Variants in KRT74 observed in about 807,000 individuals in gnomAD.
KRT74 encodes keratin 74, also known as keratin, type II cytoskeletal 74.
KRT74 carries 43 observed loss-of-function variants against 42.7 expected under a neutral mutation model. That is an observed-to-expected ratio of 1.01 (90% confidence interval 0.79 to 1.30). KRT74 has a LOEUF of 1.30. Among genes scored for constraint, KRT74 ranks in the 50% most tolerant of loss-of-function variants. The probability of loss-of-function intolerance (pLI) is 0.00; values close to 1 mark genes in which losing one functional copy is unlikely to be tolerated. For missense variants in KRT74, 736 were observed against 689.1 expected, an observed-to-expected ratio of 1.07 and a Z score of -0.76; for synonymous variants, 302 against 279.0, an observed-to-expected ratio of 1.08 and a Z score of -0.82.
chr12:52,572,728 C>A lies in KRT74; in HGVS notation c.472-61G>T, dbSNP rs687127. 0.2 allele frequency: 298,837 copies of A among 1,467,676 alleles called. 31,337 individuals are homozygous for A. The highest frequency in any genetic ancestry group is 0.27 in the Admixed American group (15,626 of 58,260). The allele number at this position is 1,467,676 out of a possible 1,614,324, so 90.9% of individuals were successfully genotyped here. ...TGGGTGCAGTCATGCCCCCTGGACA[C>A]ACACCATTGACTCCCCAGGTTTGCC... On this transcript the variant is annotated intron_variant, in intron 1 of 8. Transcript: ENST00000305620.
chr12:52,570,125 C>T (rs1358056897), intron 5 of KRT74, 141 bp from the exon 6 acceptor site: 1 of 923,552 alleles, frequency 1.1e-6, no homozygotes, highest in Non-Finnish European at 1.7e-6. Context: ...TCCTGGGGGC[C>T]CAGGTAAGGG....
At position 52,567,108 on chromosome 12, in the gene KRT74, C is replaced by T. The variant is rs1213184638; in HGVS notation, c.1451G>A (p.Gly484Glu). The T allele has an allele frequency of 6.2e-7, 1 of 1,604,718 alleles. No individual in the cohort carries two copies. Among genetic ancestry groups the T allele is most frequent in the African/African-American group, 1.3e-5 (1 of 74,858 alleles). The part of the protein sequence containing the change: ...HHPSSAGVDL[G>E]ASAVAGSSGS... Reference sequence around the variant, plus strand: ...AGAGCTGCCTGCCACAGCGCTGGCCCCAAGGTCAACACCCGCAGAGCTGGG... The same window carrying T: ...AGAGCTGCCTGCCACAGCGCTGGCCTCAAGGTCAACACCCGCAGAGCTGGG... Residue 484 changes from glycine (G) to glutamate (E), a missense_variant, in exon 9 of 9, where the codon GGG becomes GAG. By Grantham distance (98) the Gly-to-Glu change is moderately conservative. Coordinates refer to ENST00000305620, the MANE Select transcript of KRT74 (RefSeq NM_175053.4).
Position 52,566,191 on chromosome 12 carries a change from G to GT in KRT74, c.*777dup, listed in dbSNP as rs900819897. 2 of 152,230 alleles carry GT rather than the reference G, an allele frequency of 1.3e-5. No homozygotes were observed. The highest frequency in any genetic ancestry group is 4.8e-5 in the African/African-American group (2 of 41,452). 9.4% of individuals were successfully genotyped at this position (152,230 alleles called of 1,614,324 possible). On this transcript the variant is annotated 3_prime_UTR_variant, in exon 9 of 9. Coordinates refer to ENST00000305620, the MANE Select transcript of KRT74 (RefSeq NM_175053.4). ...AGGCCTGACTCTGGCACATAGGTGG[G>GT]TGACTGGGGCCAGTTCAGCAGCCTC...
rs1939405877 is a variant in KRT74 at position 52,567,826 on chromosome 12, C to T, written c.1356-133G>A. 5.5e-5 allele frequency: 41 copies of T among 747,828 alleles called. No homozygotes were observed. In the South Asian group the frequency reaches 5.9e-4, roughly 11 times the overall value. 46.3% of individuals were successfully genotyped at this position (747,828 alleles called of 1,614,324 possible). On this transcript the variant is annotated intron_variant, in intron 7 of 8. Coordinates refer to ENST00000305620, the MANE Select transcript of KRT74 (RefSeq NM_175053.4). ...CAACTTACGAAACTGACACTATCGC[C>T]TTCATCTTACAGATGAGAAAACAAG...
In KRT74 at chr12:52,573,325, G is replaced by A. The variant is rs531125952; in HGVS notation, c.453C>T (p.Phe151=). The stretch of plus-strand genomic sequence containing the variant: ...GACCCACCTTGTCAATGAAGGAGGC[G>A]AACTTGTCGTTCAGCACCTTGATCT... ...REQIKVLNDK[F]ASFIDKVRFL... is the part of the protein sequence containing the mutation. Residue 151 remains phenylalanine, a synonymous_variant, in exon 1 of 9, where the codon TTC becomes TTT. Transcript: ENST00000305620. The A allele has an allele frequency of 1.8e-5, 29 of 1,614,064 alleles. No individual in the cohort carries two copies. The highest frequency in any genetic ancestry group is 1.0e-4 in the Admixed American group (6 of 60,006).
rs1449700755 is a variant in KRT74 at position 52,566,228 on chromosome 12, C to T, written c.*741G>A. On this transcript the variant is annotated 3_prime_UTR_variant, in exon 9 of 9. Transcript: ENST00000305620. ...AGTTCAGCAGCCTCTTGGGATCAGG[C>T]TCCCAGTCTGTTCCAAGGATGCTCA... 1 of 152,132 alleles carries T rather than the reference C, an allele frequency of 6.6e-6. No homozygotes were observed. The highest frequency in any genetic ancestry group is 1.5e-5 in the Non-Finnish European group (1 of 68,052). The allele number at this position is 152,132 out of a possible 1,614,324, so 9.4% of individuals were successfully genotyped here.
Position 52,568,415 on chromosome 12 carries a change from A to T in KRT74, c.1135-26T>A, listed in dbSNP as rs370502412. On this transcript the variant is annotated intron_variant, in intron 6 of 8. Coordinates refer to ENST00000305620, the MANE Select transcript of KRT74 (RefSeq NM_175053.4). ...CTGAAGGGCAAAGAACAGAGAGACC[A>T]TCAGAACAGAAAATTACATTTAGCT... The T allele has an allele frequency of 9.3e-6, 15 of 1,610,992 alleles. No individual in the cohort carries two copies. The East Asian group carries it at 3.3e-4, about 36-fold the overall frequency.
chr12:52,571,202 C>A (rs886927694), intron 4 of KRT74, among the ~76,000 whole-genome samples, 157 bp downstream of exon 4: 1 of 152,238 alleles, frequency 6.6e-6, no homozygotes, highest in African/African-American at 2.4e-5. Context: ...CTCCAAGGAC[C>A]AGCATCCTGC....
Position 52,566,801 on chromosome 12 carries a change from C to T in KRT74, c.*168G>A. 1.9e-6 allele frequency: 1 copy of T among 537,636 alleles called. No homozygotes were observed. 33.3% of individuals were successfully genotyped at this position (537,636 alleles called of 1,614,324 possible). ...GGACCTAAGGAAACAGGGAAGGTGA[C>T]TGTGTCAATCAGAGCTTGAAAGTAA... On this transcript the variant is annotated 3_prime_UTR_variant, in exon 9 of 9. Coordinates refer to ENST00000305620, the MANE Select transcript of KRT74 (RefSeq NM_175053.4).
chr12:52,568,088 T>A (rs1421651566), intron 7 of KRT74, 81 bp downstream of exon 7: 1 of 1,492,370 alleles, frequency 6.7e-7, no homozygotes, highest in Non-Finnish European at 9.3e-7. Flanking sequence ...GCACTAACCA[T>A]GTTGTTCTCC....
At position 52,571,436 on chromosome 12, in the gene KRT74, C is replaced by T. The variant is rs772111053; in HGVS notation, c.766G>A (p.Ala256Thr). Residue 256 changes from alanine (A) to threonine (T), a missense_variant, in exon 4 of 9, where the codon GCA becomes ACA. By Grantham distance (58) the Ala-to-Thr change is moderately conservative. Transcript: ENST00000305620. Reference protein sequence around the residue: ...VLKKDADAAYAVKVELQAKVD... With the variant: ...VLKKDADAAYTVKVELQAKVD... ...TTGGCCTGAAGCTCCACCTTGACTG[C>T]GTAGGCTGCATCTGCATCCTGCCAA... is the stretch of plus-strand genomic sequence containing the variant. The T allele has an allele frequency of 1.4e-5, 22 of 1,613,614 alleles. No individual in the cohort carries two copies. Among genetic ancestry groups the T allele is most frequent in the East Asian group, 4.5e-5 (2 of 44,884 alleles).
chr12:52,570,744 G>T lies in KRT74; in HGVS notation c.933C>A (p.Ile311=), dbSNP rs776156648. 2.7e-5 allele frequency: 43 copies of T among 1,614,076 alleles called. No individual in the cohort carries two copies. In the South Asian group the frequency reaches 3.4e-4, roughly 13 times the overall value. The change falls in exon 5 of 9, where the codon ATC becomes ATA. Residue 311 remains isoleucine, a synonymous_variant. Coordinates refer to ENST00000305620, the MANE Select transcript of KRT74 (RefSeq NM_175053.4). ...NNRDLDLDSI[I]AEVRMHYEEI... is the part of the protein sequence containing the mutation. ...CCTCATAATGCATGCGGACCTCAGC[G>T]ATGATGCTGTCAAGGTCCAGGTCCC...
chr12:52,572,117 C>T, intron 2 of KRT74, 113 bp from the exon 3 acceptor site: 1 of 829,874 alleles, frequency 1.2e-6, no homozygotes, highest in Non-Finnish European at 2.1e-6. Context: ...CTGGGGTGAG[C>T]AGTAAGAGGC....
intron 4 of KRT74, 84 bp from the exon 5 acceptor site, chr12:52,570,917 G>A: frequency 6.7e-7 from 1 of 1,498,418 alleles, no homozygotes; most frequent in Non-Finnish European, 9.3e-7. Context: ...ATGGTCCCTG[G>A]CCCAATAGGC....
chr12:52,567,607 G>A (rs565037419), intron 8 of KRT74, 52 bp downstream of exon 8: 2 of 1,353,778 alleles, frequency 1.5e-6, no homozygotes, highest in East Asian at 4.6e-5. Context: ...ACATCACTTT[G>A]TCCCAGGGTC....
rs941009744 is a variant in KRT74 at position 52,567,098 on chromosome 12, A to T, written c.1461T>A (p.Ala487=). ...GGGTGCTGCCAGAGCTGCCTGCCAC[A>T]GCGCTGGCCCCAAGGTCAACACCCG... The part of the protein sequence containing the change: ...SSAGVDLGAS[A]VAGSSGSTQS... The change falls in exon 9 of 9, where the codon GCT becomes GCA. Residue 487 remains alanine, a synonymous_variant. Coordinates refer to ENST00000305620, the MANE Select transcript of KRT74 (RefSeq NM_175053.4). 3.1e-6 allele frequency: 5 copies of T among 1,601,728 alleles called. No homozygotes were observed. Among genetic ancestry groups the T allele is most frequent in the African/African-American group, 1.3e-5 (1 of 74,704 alleles).
In KRT74 at chr12:52,567,077, G is replaced by T; in HGVS notation, c.1482C>A (p.Ser494Arg). Residue 494 changes from serine to arginine, a missense_variant, in exon 9 of 9, where the codon AGC (serine) becomes AGA (arginine). By Grantham distance (110) the Ser-to-Arg change is moderately radical. Coordinates refer to ENST00000305620, the MANE Select transcript of KRT74 (RefSeq NM_175053.4). ...GASAVAGSSGSTQSGQTKTTE... is the reference protein window; with the variant it reads ...GASAVAGSSGRTQSGQTKTTE... ...TGGTCTTGGTCTGCCCGCTCTGGGT[G>T]CTGCCAGAGCTGCCTGCCACAGCGC... The T allele has an allele frequency of 1.3e-6, 2 of 1,595,980 alleles. No individual in the cohort carries two copies. Among genetic ancestry groups the T allele is most frequent in the African/African-American group, 1.3e-5 (1 of 74,662 alleles).
Position 52,570,630 on chromosome 12 carries a change from C to T in KRT74, c.1008+39G>A, listed in dbSNP as rs769179037. The T allele has an allele frequency of 5.2e-5, 83 of 1,610,628 alleles. 1 individual carries two copies. The highest frequency in any genetic ancestry group is 6.6e-5 in the Non-Finnish European group (78 of 1,177,218). ...TGTGCAGGTGACCCCTCCCAGGAAGCGAAGGGCTGCTGTGGGAGGAGACCC... is the reference window on the plus strand; with the variant it reads ...TGTGCAGGTGACCCCTCCCAGGAAGTGAAGGGCTGCTGTGGGAGGAGACCC... On this transcript the variant is annotated intron_variant, in intron 5 of 8. Transcript: ENST00000305620.
chr12:52,568,533 C>T lies in KRT74; in HGVS notation c.1135-144G>A, dbSNP rs929827623. On this transcript the variant is annotated intron_variant, in intron 6 of 8. Transcript: ENST00000305620. ...TGCAAAGCCAACACCAGAACTTTGT[C>T]TCTTCTATTTTCTATTGCAGAGGAG... is the stretch of plus-strand genomic sequence containing the variant. The T allele has an allele frequency of 5.8e-5, 49 of 841,452 alleles. 1 individual carries two copies. The highest frequency in any genetic ancestry group is 8.3e-5 in the Non-Finnish European group (44 of 528,470). The allele number at this position is 841,452 out of a possible 1,614,324, so 52.1% of individuals were successfully genotyped here.
Sources: allele counts gnomAD v4.1 joint callset (sites outside exome capture counted in the v4.1 genomes callset), GRCh38; gene constraint gnomAD v4.1.1; transcripts MANE v1.5; gene names NCBI Gene and HGNC (gene_info 2026-07-23, HGNC 2026-07-21).